The following CENPM variants were observed in gnomAD, a reference collection of about 807,000 sequenced individuals.
CENPM encodes centromere protein M.
A neutral mutation model predicts 19.6 loss-of-function variants in CENPM; 14 were observed. That is an observed-to-expected ratio of 0.71 (90% CI 0.47 to 1.11). The LOEUF (loss-of-function observed/expected upper bound fraction) is 1.11, where lower values mean the gene tolerates loss of function less well. Among genes scored for constraint, CENPM ranks in the 50% most tolerant of loss-of-function variants. The probability of loss-of-function intolerance (pLI) is 0.00; values close to 1 mark genes in which losing one functional copy is unlikely to be tolerated. For missense variants in CENPM, 239 were observed against 228.4 expected (o/e 1.05, Z -0.30); for synonymous variants, 114 against 101.5 (o/e 1.12, Z -0.74).
At chr22:41,944,488 G>T in intron 4 of CENPM, 5 of 187,716 alleles carry the variant, frequency 2.7e-5, no homozygotes, top group South Asian at 1.8e-4. Context: ...TTACCTAGGT[G>T]TAAACCTTGG....
chr22:41,943,559 C>A (rs1033622923), intron 5 of CENPM, 51 bp downstream of exon 5: 2 of 1,530,442 alleles, frequency 1.3e-6, no homozygotes, highest in Non-Finnish European at 1.8e-6. Flanking sequence ...TGCTGACCAC[C>A]CTTTCCCCGC....
At chr22:41,944,435 C>CAAAA (rs139232803) in intron 4 of CENPM, among the ~76,000 whole-genome samples, 1,967 of 70,122 alleles carry the variant, frequency 0.028, 83 homozygotes, top group African/African-American at 0.1. Context: ...GACTCCGTCT[C>CAAAA]AAAAAAAAAA....
intron 5 of CENPM, among the ~76,000 whole-genome samples, chr22:41,942,666 G>A (rs1352324666): frequency 6.6e-6 from 1 of 151,838 alleles, no homozygotes; most frequent in Middle Eastern, 3.2e-3. Context: ...CAGGAGAATG[G>A]CGTGAACTCG....
Position 41,943,647 on chromosome 22 carries a change from T to A in CENPM, c.365A>T (p.His122Leu). ...GTAGAGCAGGGGGCTTTGATAGGTG[T>A]GGGCCAGCTTCACCACGGTGTGCCG... ...IHRHTVVKLA[H>L]TYQSPLLYCD... The change falls in exon 5 of 6, where the codon CAC (histidine) becomes CTC (leucine). Residue 122 changes from histidine (H) to leucine (L), a missense_variant. Physicochemically the swap from His to Leu is moderately conservative, Grantham distance 99. Transcript: ENST00000215980. 1 of 1,613,872 alleles carries A rather than the reference T, an allele frequency of 6.2e-7. No homozygotes were observed. Among genetic ancestry groups the A allele is most frequent in the Non-Finnish European group, 8.5e-7 (1 of 1,179,932 alleles).
At chr22:41,933,268 G>C in the CENPM span, among the ~76,000 whole-genome samples, 1 of 151,876 alleles carries the variant, frequency 6.6e-6, no homozygotes, top group Non-Finnish European at 1.5e-5. Flanking sequence ...GCAGGCTAGA[G>C]TAAAGGGGCC....
intron 3 of CENPM, 41 bp downstream of exon 3, chr22:41,945,872 G>C: frequency 2.6e-6 from 4 of 1,534,792 alleles, no homozygotes; most frequent in Non-Finnish European, 3.6e-6. Flanking sequence ...TCCTGAGCCA[G>C]GCCTGCCTGA....
downstream of CENPM, among the ~76,000 whole-genome samples, chr22:41,938,283 A>C (rs776311233): frequency 5.3e-5 from 8 of 150,970 alleles, no homozygotes; most frequent in Non-Finnish European, 1.2e-4. Context: ...TTGAGACTAC[A>C]GGCCTGCATC....
chr22:41,938,585 G>C (rs372597671), downstream of CENPM: 3 of 153,592 alleles, frequency 2.0e-5, no homozygotes, highest in East Asian at 1.9e-4. Flanking sequence ...GGATGGTCTC[G>C]AATTCCTGAC....
intron 3 of CENPM, 146 bp from the exon 4 acceptor site, chr22:41,945,450 T>TG: frequency 1.8e-6 from 2 of 1,126,230 alleles, no homozygotes; most frequent in Non-Finnish European, 2.3e-6. Context: ...TCCTTTAATT[T>TG]TTTTTTTTTT....
chr22:41,934,885 C>T (rs1406445060), downstream of CENPM, among the ~76,000 whole-genome samples: 1 of 152,260 alleles, frequency 6.6e-6, no homozygotes, highest in African/African-American at 2.4e-5. Flanking sequence ...CCGGCACACA[C>T]TGATCTTCCA....
At chr22:41,945,850 G>A (rs2077794088) in intron 3 of CENPM, 63 bp downstream of exon 3, 14 of 1,332,752 alleles carry the variant, frequency 1.1e-5, no homozygotes, top group East Asian at 2.3e-5. Context: ...TTAGGTCACC[G>A]TCTCAGCACA....
intron 1 of CENPM, chr22:41,946,753 C>T (rs1363850416): frequency 1.7e-6 from 1 of 599,966 alleles, no homozygotes; most frequent in Non-Finnish European, 3.0e-6. Flanking sequence ...GGCCAGACCC[C>T]CAGACGCGGG....
intron 5 of CENPM, chr22:41,940,150 C>T: frequency 1.3e-6 from 1 of 772,226 alleles, no homozygotes; most frequent in Non-Finnish European, 2.4e-6. Flanking sequence ...TTGAGCACAC[C>T]AGGCAAGTCC....
the CENPM span, among the ~76,000 whole-genome samples, chr22:41,931,491 A>T: frequency 0.053 from 7,870 of 148,338 alleles, 639 homozygotes; most frequent in African/African-American, 0.18. Flanking sequence ...GAAAAAAAAA[A>T]AATAATAATA....
chr22:41,944,142 A>G (rs974760645), intron 4 of CENPM: 2 of 985,268 alleles, frequency 2.0e-6, no homozygotes. Flanking sequence ...ACAGAAGCCT[A>G]GAGTAAACAA....
intron 5 of CENPM, 41 bp from the exon 6 acceptor site, chr22:41,939,237 G>A: frequency 1.3e-6 from 2 of 1,566,896 alleles, no homozygotes; most frequent in Non-Finnish European, 1.7e-6. Flanking sequence ...TAGAATGCTG[G>A]CCCTGCTCCC....
At chr22:41,944,435 C>CAAAAAA (rs139232803) in intron 4 of CENPM, among the ~76,000 whole-genome samples, 4 of 70,238 alleles carry the variant, frequency 5.7e-5, no homozygotes, top group African/African-American at 2.2e-4. Context: ...GACTCCGTCT[C>CAAAAAA]AAAAAAAAAA....
chr22:41,946,580 G>A (rs1602395185), intron 1 of CENPM, 84 bp from the exon 2 acceptor site: 1 of 1,149,622 alleles, frequency 8.7e-7, no homozygotes, highest in Non-Finnish European at 1.3e-6. Context: ...CACTCCCGGG[G>A]GGATCGGGAC....
chr22:41,934,264 C>T (rs1045384065), downstream of CENPM, among the ~76,000 whole-genome samples: 1 of 152,158 alleles, frequency 6.6e-6, no homozygotes, highest in African/African-American at 2.4e-5. Context: ...CCAGGACACT[C>T]GGGCCTGGAC....
Sources: gnomAD v4.1 joint callset for allele counts (sites outside exome capture counted in the v4.1 genomes callset) on GRCh38, gnomAD v4.1.1 for gene constraint, MANE v1.5 for transcripts, NCBI Gene and HGNC (gene_info 2026-07-23, HGNC 2026-07-21) for gene names.